Variants in ZHX2 observed in about 807,000 individuals in gnomAD.
ZHX2 encodes zinc fingers and homeoboxes protein 2.
ZHX2 carries 6 observed loss-of-function variants against 21.9 expected under a neutral mutation model. The ratio of observed to expected loss-of-function variants is 0.27; its 90% CI spans 0.15 to 0.54. The LOEUF (loss-of-function observed/expected upper bound fraction) is 0.54, where lower values mean the gene tolerates loss of function less well. ZHX2 is among the 20% of genes least tolerant of loss of function. The pLI is 0.95. For missense variants in ZHX2, 908 were observed against 1,090.7 expected (o/e 0.83, Z 2.36); for synonymous variants, 434 against 437.1 (o/e 0.99, Z 0.09).
rs368437179 is a variant in ZHX2 at position 122,806,698 on chromosome 8, G to T, written c.-283+24752G>T. Among the ~76,000 whole-genome samples, 101 of 152,340 alleles carry T rather than the reference G, an allele frequency of 6.6e-4. 1 individual carries two copies. The South Asian group carries it at 0.02, about 30-fold the overall frequency. ...GGGTGGCCATTGGAACTCAAGTGAGGTGTAGTTGTAGGAGAGTGACTGTCC... is the reference window on the plus strand; with the variant it reads ...GGGTGGCCATTGGAACTCAAGTGAGTTGTAGTTGTAGGAGAGTGACTGTCC... On this transcript the variant is annotated intron_variant, in intron 1 of 3. Coordinates refer to ENST00000314393, the MANE Select transcript of ZHX2 (RefSeq NM_014943.5).
At chr8:122,873,142 A>G (rs1819480965) in intron 2 of ZHX2, among the ~76,000 whole-genome samples, 1 of 152,214 alleles carries the variant, frequency 6.6e-6, no homozygotes, top group Non-Finnish European at 1.5e-5. Flanking sequence ...AACCAAAGCC[A>G]AATTACCATA....
intron 2 of ZHX2, among the ~76,000 whole-genome samples, chr8:122,893,126 T>C (rs1416458869): frequency 6.6e-6 from 1 of 152,234 alleles, no homozygotes; most frequent in Admixed American, 6.5e-5. Context: ...TTGTTTTGTT[T>C]TTTTTCTTTC....
chr8:122,934,782 G>A (rs867146585), intron 2 of ZHX2, among the ~76,000 whole-genome samples: 5 of 151,248 alleles, frequency 3.3e-5, no homozygotes, highest in East Asian at 2.0e-4. Flanking sequence ...TCTGCCTCCC[G>A]TGTTCAAGCA....
At chr8:122,856,297 A>G (rs1218756329) in intron 1 of ZHX2, among the ~76,000 whole-genome samples, 1 of 152,150 alleles carries the variant, frequency 6.6e-6, no homozygotes, top group Non-Finnish European at 1.5e-5. Flanking sequence ...TTCCATACCA[A>G]GGAGGGAGGC....
intron 2 of ZHX2, among the ~76,000 whole-genome samples, chr8:122,935,137 T>A (rs1005022250): frequency 1.3e-5 from 2 of 151,814 alleles, no homozygotes; most frequent in Admixed American, 6.6e-5. Flanking sequence ...CACAGATGAC[T>A]TTTTTTCCTC....
At chr8:122,869,689 A>G (rs2129681914) in intron 2 of ZHX2, among the ~76,000 whole-genome samples, 1 of 152,368 alleles carries the variant, frequency 6.6e-6, no homozygotes, top group African/African-American at 2.4e-5. Context: ...TACAGTTGAC[A>G]CATCCAATGT....
intron 1 of ZHX2, among the ~76,000 whole-genome samples, chr8:122,819,283 T>C (rs1204729416): frequency 6.6e-6 from 1 of 152,200 alleles, no homozygotes; most frequent in Admixed American, 6.5e-5. Flanking sequence ...TCTGCACCTC[T>C]GTTTCCTCAC....
intron 1 of ZHX2, among the ~76,000 whole-genome samples, chr8:122,854,397 A>T (rs1445323247): frequency 6.6e-6 from 1 of 152,200 alleles, no homozygotes; most frequent in Non-Finnish European, 1.5e-5. Flanking sequence ...CCTTGTAGAT[A>T]GGAGAAACTG....
chr8:122,816,071 C>G (rs930148688), intron 1 of ZHX2, among the ~76,000 whole-genome samples: 1 of 131,994 alleles, frequency 7.6e-6, no homozygotes, highest in Non-Finnish European at 1.6e-5. Context: ...CAGAGCAAGA[C>G]TCCGTCTCAA....
Position 122,952,753 on chromosome 8 carries a change from G to T in ZHX2, c.1243G>T (p.Ala415Ser). 2 of 1,614,074 alleles carry T rather than the reference G, an allele frequency of 1.2e-6. No individual in the cohort carries two copies. The highest frequency in any genetic ancestry group is 1.7e-6 in the Non-Finnish European group (2 of 1,180,004). The change falls in exon 3 of 4, where the codon GCC (alanine) becomes TCC (serine). Residue 415 changes from alanine to serine, a missense_variant. Physicochemically the swap from Ala to Ser is moderately conservative, Grantham distance 99. Coordinates refer to ENST00000314393, the MANE Select transcript of ZHX2 (RefSeq NM_014943.5). The surrounding 1 kb of genome is among the most constrained non-coding windows in gnomAD (Gnocchi z 6.9). ...GAGACCCTTGGTGACTCCCCAAGCT[G>T]CCCCCGAACCCAAGCGTCCACACAT... The part of the protein sequence containing the change: ...QKRPLVTPQA[A>S]PEPKRPHIAQ...
intron 2 of ZHX2, among the ~76,000 whole-genome samples, chr8:122,899,682 A>G (rs1021010149): frequency 1.3e-5 from 2 of 152,050 alleles, no homozygotes; most frequent in African/African-American, 4.8e-5. Context: ...TCCTAACCCA[A>G]TTCCACAGTC....
chr8:122,943,706 C>T (rs190588541), intron 2 of ZHX2, among the ~76,000 whole-genome samples: 1 of 152,264 alleles, frequency 6.6e-6, no homozygotes, highest in Admixed American at 6.5e-5. Flanking sequence ...GCAGCCTGGG[C>T]CTTGACTGTT....
chr8:122,910,749 T>G (rs1458706638), intron 2 of ZHX2, among the ~76,000 whole-genome samples: 57 of 128,284 alleles, frequency 4.4e-4, no homozygotes, highest in South Asian at 1.8e-3. Flanking sequence ...GGGTGGGGGG[T>G]GGGGGGTGAG....
intron 1 of ZHX2, among the ~76,000 whole-genome samples, chr8:122,858,211 C>T (rs1408014780): frequency 6.6e-6 from 1 of 152,208 alleles, no homozygotes; most frequent in Non-Finnish European, 1.5e-5. Flanking sequence ...TCCCTGGCTG[C>T]ACTCACGCCT....
In ZHX2 at chr8:122,953,251, C is replaced by G; in HGVS notation, c.1741C>G (p.Arg581Gly). ...REIDSWFSERRKLRDSMEQAV... is the reference protein window; with the variant it reads ...REIDSWFSERGKLRDSMEQAV... ...GATCGACTCCTGGTTCTCGGAGAGG[C>G]GGAAGCTTCGAGACAGCATGGAACA... The change falls in exon 3 of 4, where the codon CGG (arginine) becomes GGG (glycine). Residue 581 changes from arginine to glycine, a missense_variant. Arg to Gly is a moderately radical substitution (Grantham distance 125). Around this residue, in one of 4 missense-constraint regions of ZHX2, gnomAD observed 431 missense variants for 428.6 expected, o/e 1.01. Coordinates refer to ENST00000314393, the MANE Select transcript of ZHX2 (RefSeq NM_014943.5). The surrounding 1 kb of genome is among the most constrained non-coding windows in gnomAD (Gnocchi z 4.6). 6.2e-7 allele frequency: 1 copy of G among 1,613,888 alleles called. No individual in the cohort carries two copies. Among genetic ancestry groups the G allele is most frequent in the East Asian group, 2.2e-5 (1 of 44,844 alleles).
At chr8:122,891,384 C>G (rs1819976378) in intron 2 of ZHX2, among the ~76,000 whole-genome samples, 1 of 149,124 alleles carries the variant, frequency 6.7e-6, no homozygotes, top group Non-Finnish European at 1.5e-5. Flanking sequence ...AAAAAGCCAA[C>G]TTTTCATCTT....
At position 122,961,130 on chromosome 8, in the gene ZHX2, A is replaced by G. The variant is rs116051684; in HGVS notation, c.*4+7102A>G. Among the ~76,000 whole-genome samples the G allele has an allele frequency of 2.7e-3, 411 of 152,366 alleles. 1 individual carries two copies. The highest frequency in any genetic ancestry group is 9.4e-3 in the African/African-American group (390 of 41,582). On this transcript the variant is annotated intron_variant, in intron 3 of 3. Transcript: ENST00000314393. Reference sequence around the variant, plus strand: ...CACAGTTCTGGAGACTAGATGTTCAAGCTCAGGACACCAGCAGGGTTAGTT... The same window carrying G: ...CACAGTTCTGGAGACTAGATGTTCAGGCTCAGGACACCAGCAGGGTTAGTT...
At chr8:122,875,162 T>C (rs1186366926) in intron 2 of ZHX2, among the ~76,000 whole-genome samples, 3 of 51,100 alleles carry the variant, frequency 5.9e-5, no homozygotes, top group African/African-American at 9.1e-5. Context: ...TATATATATA[T>C]ATATATATAT....
chr8:122,815,715 T>G (rs1333570386), intron 1 of ZHX2: 1 of 152,338 alleles, frequency 6.6e-6, no homozygotes, highest in African/African-American at 2.4e-5. Flanking sequence ...TAAGATGCTA[T>G]CAAACAGCAT....
Sources: gnomAD v4.1 joint callset for allele counts (sites outside exome capture counted in the v4.1 genomes callset) on GRCh38, gnomAD v4.1.1 for gene constraint, gnomAD v4.1.1 regional missense constraint, Gnocchi (gnomAD v3.1) non-coding constraint, MANE v1.5 for transcripts, NCBI Gene and HGNC (gene_info 2026-07-23, HGNC 2026-07-21) for gene names.